The following PRELID2 variants were observed in gnomAD, a reference collection of about 807,000 sequenced individuals.
PRELID2 encodes the protein PRELI domain-containing protein 2.
A neutral mutation model predicts 28.4 loss-of-function variants in PRELID2; 25 were observed. The observed-to-expected ratio is 0.88, with a 90% CI of 0.64 to 1.23. The LOEUF is 1.23. Among genes scored for constraint, PRELID2 ranks in the 50% most tolerant of loss-of-function variants. The pLI, the probability that PRELID2 is intolerant of heterozygous loss-of-function variation, is 0.00. For missense variants in PRELID2, 201 were observed against 214.4 expected (o/e 0.94, Z 0.39); for synonymous variants, 76 against 71.6 (o/e 1.06, Z -0.31).
chr5:145,332,114 AG>A, the PRELID2 span, among the ~76,000 whole-genome samples: 1 of 152,178 alleles, frequency 6.6e-6, no homozygotes, highest in Non-Finnish European at 1.5e-5. Flanking sequence ...TCTGGCTTGT[AG>A]GGTTTCTGCA....
chr5:145,490,544 A>G (rs1362599617), intron 1 of PRELID2, among the ~76,000 whole-genome samples: 2 of 152,222 alleles, frequency 1.3e-5, no homozygotes, highest in African/African-American at 4.8e-5. Context: ...TCAGTTAAGT[A>G]TGAATCATAT....
rs148194664 is a variant in PRELID2, at chr5:145,713,350, T to TTATATATATATATATATATA, written n.70+51561_70+51580dup. ...AGAACTCTAAGAATGATATCTGACTTTATATATATATATATATATACTTTA... is the reference window on the plus strand; with the variant it reads ...AGAACTCTAAGAATGATATCTGACTTTATATATATATATATATATATATATATATATATATATATACTTTA... On this transcript the variant is annotated intron_variant and non_coding_transcript_variant, in intron 1 of 2. Transcript: ENST00000510259. 6.7e-3 allele frequency among the ~76,000 whole-genome samples: 838 copies of TTATATATATATATATATATA among 124,494 alleles called. 9 individuals carry two copies. The highest frequency in any genetic ancestry group is 0.015 in the African/African-American group (487 of 32,002). 81.7% of individuals were successfully genotyped at this position (124,494 alleles called of 152,430 possible). A position where few individuals can be genotyped will look rare whatever the true frequency, so the allele number is the denominator to read the frequency against.
intron 1 of PRELID2, among the ~76,000 whole-genome samples, chr5:145,509,976 C>G (rs1474209575): frequency 1.3e-5 from 2 of 152,106 alleles, no homozygotes; most frequent in Admixed American, 6.6e-5. Context: ...AATTATATTA[C>G]TTAATGTGAT....
At chr5:145,607,038 T>C (rs1753515170) in intron 1 of PRELID2, among the ~76,000 whole-genome samples, 1 of 152,152 alleles carries the variant, frequency 6.6e-6, no homozygotes, top group Admixed American at 6.6e-5. Flanking sequence ...ATAGAGGTGT[T>C]TGTAGTAGTC....
At chr5:145,351,545 C>T in the PRELID2 span, among the ~76,000 whole-genome samples, 1 of 152,082 alleles carries the variant, frequency 6.6e-6, no homozygotes. Context: ...AACTATAATT[C>T]CAGATGAGAT....
chr5:145,473,433 ATCT>A (rs1554073270), intron 1 of PRELID2: 1 of 152,188 alleles, frequency 6.6e-6, no homozygotes, highest in Non-Finnish European at 1.5e-5. Context: ...CATCATCATC[ATCT>A]TATTATTATA....
At chr5:145,433,419 G>A in the PRELID2 span, among the ~76,000 whole-genome samples, 98 of 152,240 alleles carry the variant, frequency 6.4e-4, no homozygotes, top group African/African-American at 2.1e-3. Context: ...AGGGCCAGGT[G>A]GCTTCCCGAT....
intron 1 of PRELID2, among the ~76,000 whole-genome samples, chr5:145,579,192 G>A (rs939702989): frequency 2.6e-5 from 4 of 152,020 alleles, no homozygotes; most frequent in Non-Finnish European, 4.4e-5. Context: ...AAACACTATA[G>A]AAACCCAAGG....
the PRELID2 span, among the ~76,000 whole-genome samples, chr5:145,313,427 ATT>A: frequency 6.6e-6 from 1 of 152,148 alleles, no homozygotes; most frequent in Non-Finnish European, 1.5e-5. Context: ...TGCTTCCATA[ATT>A]GGTAGTATCA....
Position 145,646,393 on chromosome 5 carries a change from A to G in PRELID2, n.70+118538T>C, listed in dbSNP as rs185444222. 4.6e-5 allele frequency among the ~76,000 whole-genome samples: 7 copies of G among 152,168 alleles called. No homozygotes were observed. The East Asian group carries it at 1.2e-3, about 25-fold the overall frequency. ...GTTTTTCAACTCCATCAGGTCATTT[A>G]TGTTCTTCCCTAAACTGGTTATTCT... On this transcript the variant is annotated intron_variant and non_coding_transcript_variant, in intron 1 of 2. Coordinates refer to the PRELID2 transcript ENST00000510259.
chr5:145,695,366 G>A lies in PRELID2; in HGVS notation n.70+69565C>T, dbSNP rs555060368. Among the ~76,000 whole-genome samples the A allele has an allele frequency of 4.4e-4, 67 of 152,330 alleles. 1 individual carries two copies. The highest frequency in any genetic ancestry group is 7.2e-4 in the Admixed American group (11 of 15,292). ...TGGTGCATTCAAAGCCCTGAAGGAG[G>A]CCTGAATGACTAGAGGCTAGTGGAC... is the stretch of plus-strand genomic sequence containing the variant. On this transcript the variant is annotated intron_variant and non_coding_transcript_variant, in intron 1 of 2. Transcript: ENST00000510259.
intron 1 of PRELID2, among the ~76,000 whole-genome samples, chr5:145,642,709 G>T (rs578212241): frequency 1.3e-5 from 2 of 152,090 alleles, no homozygotes; most frequent in African/African-American, 4.8e-5. Flanking sequence ...GTAAGGAAGG[G>T]GTCCAGTTTC....
the PRELID2 span, among the ~76,000 whole-genome samples, chr5:145,357,095 G>T: frequency 6.6e-6 from 1 of 152,154 alleles, no homozygotes; most frequent in South Asian, 2.1e-4. Flanking sequence ...CAGAGTTTCT[G>T]CTGAAAGGCC....
intron 1 of PRELID2, among the ~76,000 whole-genome samples, chr5:145,520,245 T>C (rs989836117): frequency 2.6e-5 from 4 of 152,198 alleles, no homozygotes; most frequent in Admixed American, 6.5e-5. Context: ...TCCCCTGAAG[T>C]GTCTAAAGTG....
the PRELID2 span, among the ~76,000 whole-genome samples, chr5:145,436,291 T>A: frequency 3.9e-4 from 59 of 152,334 alleles, no homozygotes; most frequent in African/African-American, 1.3e-3. Context: ...CTGTGTAATA[T>A]TCAATGTATA....
At chr5:145,733,850 A>T (rs1756418087) in intron 1 of PRELID2, among the ~76,000 whole-genome samples, 1 of 152,116 alleles carries the variant, frequency 6.6e-6, no homozygotes, top group Non-Finnish European at 1.5e-5. Context: ...GGCAGAAGGG[A>T]CTTCGCAGTT....
the PRELID2 span, among the ~76,000 whole-genome samples, chr5:145,436,122 T>G: frequency 6.6e-5 from 10 of 152,106 alleles, no homozygotes; most frequent in African/African-American, 1.9e-4. Context: ...TATTGTCTGT[T>G]TTTTCCTTCT....
the PRELID2 span, among the ~76,000 whole-genome samples, chr5:145,330,587 G>T: frequency 6.6e-6 from 1 of 152,100 alleles, no homozygotes; most frequent in African/African-American, 2.4e-5. Context: ...TTTTCTGATG[G>T]TAGTTTGTAT....
intron 1 of PRELID2, among the ~76,000 whole-genome samples, chr5:145,604,962 A>G (rs1784817606): frequency 6.8e-6 from 1 of 146,414 alleles, no homozygotes; most frequent in African/African-American, 2.5e-5. Context: ...TTGAATATAT[A>G]TATATTCTTT....
Sources: gnomAD v4.1 joint callset for allele counts (sites outside exome capture counted in the v4.1 genomes callset) on GRCh38, gnomAD v4.1.1 for gene constraint, MANE v1.5 for transcripts, NCBI Gene and HGNC (gene_info 2026-07-23, HGNC 2026-07-21) for gene names.